SSR3: variants seen among roughly 807,000 people sequenced by gnomAD.
The protein encoded by SSR3 is translocon-associated protein subunit gamma.
In SSR3, 10 loss-of-function variants were observed where a neutral mutation model predicts 22.1. The ratio of observed to expected loss-of-function variants is 0.45; its 90% CI spans 0.28 to 0.77. The LOEUF (loss-of-function observed/expected upper bound fraction) is 0.77. Ranked by LOEUF, SSR3 falls within the 30% of genes least tolerant of loss-of-function variation. The pLI, the probability that SSR3 is intolerant of heterozygous loss-of-function variation, is 0.13. For missense variants in SSR3, 181 were observed against 220.5 expected (o/e 0.82, Z 1.13); for synonymous variants, 104 against 82.5 (o/e 1.26, Z -1.42).
intron 3 of SSR3, among the ~76,000 whole-genome samples, chr3:156,546,431 A>C (rs1019559246): frequency 2.6e-5 from 4 of 152,210 alleles, no homozygotes; most frequent in Admixed American, 1.3e-4. Flanking sequence ...GACTAATACA[A>C]GAACCATTTT....
At chr3:156,548,253 G>A (rs1441611056) in intron 3 of SSR3, among the ~76,000 whole-genome samples, 1 of 152,100 alleles carries the variant, frequency 6.6e-6, no homozygotes, top group African/African-American at 2.4e-5. Flanking sequence ...AAGAGCAGCC[G>A]GCAGAAAAAA....
intron 2 of SSR3, among the ~76,000 whole-genome samples, chr3:156,553,048 A>AAAAAAAG (rs1006838940): frequency 6.6e-6 from 1 of 151,682 alleles, no homozygotes; most frequent in Non-Finnish European, 1.5e-5. Flanking sequence ...GTTAAAAAAA[A>AAAAAAAG]AAAAAAGCAA....
chr3:156,545,536 T>C lies in SSR3; in HGVS notation c.360-1097A>G, dbSNP rs578009631. Among the ~76,000 whole-genome samples, 79 of 152,318 alleles carry C rather than the reference T, an allele frequency of 5.2e-4. 1 individual carries two copies. The highest frequency in any genetic ancestry group is 1.8e-3 in the African/African-American group (76 of 41,572). Reference sequence around the variant, plus strand: ...GCACTTTAAGTAAGTCATTGGTAACTGACACATTATATTCATTAAGTATAC... The same window carrying C: ...GCACTTTAAGTAAGTCATTGGTAACCGACACATTATATTCATTAAGTATAC... On this transcript the variant is annotated intron_variant, in intron 3 of 4. Transcript: ENST00000265044.
At chr3:156,554,699 C>T (rs1179208683) in intron 1 of SSR3, 2 of 489,636 alleles carry the variant, frequency 4.1e-6, no homozygotes, top group East Asian at 3.6e-5. Context: ...AACTAGTTAA[C>T]CACCTTCTCC....
intron 2 of SSR3, among the ~76,000 whole-genome samples, chr3:156,551,911 A>C (rs1175852318): frequency 1.3e-5 from 2 of 152,202 alleles, no homozygotes; most frequent in South Asian, 2.1e-4. Context: ...GAAGGGTTAA[A>C]GCCTAATTCT....
Position 156,543,139 on chromosome 3 carries a change from G to T in SSR3, c.*64C>A. On this transcript the variant is annotated 3_prime_UTR_variant, in exon 5 of 5. Transcript: ENST00000265044. ...TTGTGTCTCCCACCCTGACCACCCTGCTACTTTTCCATATACCACAGGCCA... is the reference window on the plus strand; with the variant it reads ...TTGTGTCTCCCACCCTGACCACCCTTCTACTTTTCCATATACCACAGGCCA... 6.9e-7 allele frequency: 1 copy of T among 1,458,204 alleles called. No individual in the cohort carries two copies. The highest frequency in any genetic ancestry group is 9.6e-7 in the Non-Finnish European group (1 of 1,045,104). The allele number at this position is 1,458,204 out of a possible 1,614,324, so 90.3% of individuals were successfully genotyped here.
chr3:156,552,717 T>G (rs1056684072), intron 2 of SSR3, among the ~76,000 whole-genome samples: 2 of 152,130 alleles, frequency 1.3e-5, no homozygotes, highest in African/African-American at 4.8e-5. Context: ...TACCCAAGTA[T>G]CACAGTGTAC....
intron 2 of SSR3, among the ~76,000 whole-genome samples, chr3:156,552,340 G>C (rs1463975755): frequency 6.7e-6 from 1 of 149,532 alleles, no homozygotes; most frequent in Non-Finnish European, 1.5e-5. Flanking sequence ...GTTGTTATGA[G>C]AATGACATGA....
rs1376764179 is a variant in SSR3, at chr3:156,542,675, T to C, written c.*528A>G. The C allele has an allele frequency of 6.6e-6, 1 of 152,292 alleles. No individual in the cohort carries two copies. Among genetic ancestry groups the C allele is most frequent in the Non-Finnish European group, 1.5e-5 (1 of 68,098 alleles). The allele number at this position is 152,292 out of a possible 1,614,324, so 9.4% of individuals were successfully genotyped here. On this transcript the variant is annotated 3_prime_UTR_variant, in exon 5 of 5. Transcript: ENST00000265044. ...ACTTTTCCACAAGTTTCTCTTCCTC[T>C]AGTTGGAAAATTAGAGAAATCATGT...
At chr3:156,550,835 ACT>A (rs1719925054) in intron 2 of SSR3, among the ~76,000 whole-genome samples, 1 of 152,210 alleles carries the variant, frequency 6.6e-6, no homozygotes, top group African/African-American at 2.4e-5. Context: ...TATGTGCCAG[ACT>A]CTATGCTTAA....
chr3:156,544,765 C>T (rs1163059792), intron 3 of SSR3, among the ~76,000 whole-genome samples: 1 of 152,194 alleles, frequency 6.6e-6, no homozygotes. Context: ...TTGGCCCTTA[C>T]CTAAAACTCA....
At position 156,540,237 on chromosome 3, in the gene SSR3, C is replaced by A. The variant is rs543846408; in HGVS notation, c.*2966G>T. On this transcript the variant is annotated 3_prime_UTR_variant, in exon 5 of 5. Coordinates refer to ENST00000265044, the MANE Select transcript of SSR3 (RefSeq NM_007107.5). ...TCTCCATATTTCAGTTAACTTCAAACCTTGTTTCAAATTATCCTTTCCAAG... is the reference window on the plus strand; with the variant it reads ...TCTCCATATTTCAGTTAACTTCAAAACTTGTTTCAAATTATCCTTTCCAAG... The A allele has an allele frequency of 6.6e-6, 1 of 152,170 alleles. No individual in the cohort carries two copies. The highest frequency in any genetic ancestry group is 2.4e-5 in the African/African-American group (1 of 41,430). 9.4% of individuals were successfully genotyped at this position (152,170 alleles called of 1,614,324 possible).
chr3:156,554,968 G>A lies in SSR3; in HGVS notation c.122C>T (p.Ala41Val). ...CTCCCAGCACTCACAGATGGGGATG[G>A]CAGACACGATGAACGCGTTTCCGAA... ...LFFGNAFIVSAIPIWLYWRIW... is the reference protein window; with the variant it reads ...LFFGNAFIVSVIPIWLYWRIW... Residue 41 changes from alanine to valine, a missense_variant, in exon 1 of 5, where the codon GCC (alanine) becomes GTC (valine). Coordinates refer to ENST00000265044, the MANE Select transcript of SSR3 (RefSeq NM_007107.5). 6.2e-7 allele frequency: 1 copy of A among 1,613,714 alleles called. No individual in the cohort carries two copies. The highest frequency in any genetic ancestry group is 8.5e-7 in the Non-Finnish European group (1 of 1,179,866).
chr3:156,553,068 A>G (rs1231928301), intron 2 of SSR3, among the ~76,000 whole-genome samples: 1 of 151,812 alleles, frequency 6.6e-6, no homozygotes, highest in African/African-American at 2.4e-5. Flanking sequence ...ATAAAATAAA[A>G]AGACCAGCCT....
chr3:156,543,139 G>A lies in SSR3; in HGVS notation c.*64C>T. ...TTGTGTCTCCCACCCTGACCACCCTGCTACTTTTCCATATACCACAGGCCA... is the reference window on the plus strand; with the variant it reads ...TTGTGTCTCCCACCCTGACCACCCTACTACTTTTCCATATACCACAGGCCA... On this transcript the variant is annotated 3_prime_UTR_variant, in exon 5 of 5. Coordinates refer to ENST00000265044, the MANE Select transcript of SSR3 (RefSeq NM_007107.5). 2 of 1,458,212 alleles carry A rather than the reference G, an allele frequency of 1.4e-6. No homozygotes were observed. The highest frequency in any genetic ancestry group is 1.2e-5 in the South Asian group (1 of 86,410). The allele number at this position is 1,458,212 out of a possible 1,614,324, so 90.3% of individuals were successfully genotyped here.
intron 2 of SSR3, chr3:156,551,592 C>T (rs1719958304): frequency 6.6e-6 from 1 of 152,202 alleles, no homozygotes; most frequent in African/African-American, 2.4e-5. Flanking sequence ...AACCTGAGCT[C>T]GTTTGTGTCC....
rs1720099929 is a variant in SSR3 at position 156,555,016 on chromosome 3, G to A, written c.74C>T (p.Ser25Leu). The change falls in exon 1 of 5, where the codon TCG becomes TTG. Residue 25 changes from serine to leucine, a missense_variant. Ser to Leu is a moderately radical substitution (Grantham distance 145, BLOSUM62 -2). Coordinates refer to ENST00000265044, the MANE Select transcript of SSR3 (RefSeq NM_007107.5). Reference protein sequence around the residue: ...LLLQDFSRNLSAKSSALFFGN... With the variant: ...LLLQDFSRNLLAKSSALFFGN... ...GAAGAAGAGCGCGGAGGACTTGGCC[G>A]AGAGATTGCGGCTGAAATCCTGCAG... The A allele has an allele frequency of 6.2e-7, 1 of 1,613,956 alleles. No individual in the cohort carries two copies. Among genetic ancestry groups the A allele is most frequent in the African/African-American group, 1.3e-5 (1 of 74,936 alleles).
Position 156,543,031 on chromosome 3 carries a change from C to T in SSR3, c.*172G>A, listed in dbSNP as rs372009339. On this transcript the variant is annotated 3_prime_UTR_variant, in exon 5 of 5. Coordinates refer to ENST00000265044, the MANE Select transcript of SSR3 (RefSeq NM_007107.5). ...TCCCTTTCAATTCATTTAATTTCAA[C>T]AATCTGTCAAAAAACAGCCAATAAA... 6.5e-4 allele frequency: 320 copies of T among 490,970 alleles called. No homozygotes were observed. The highest frequency in any genetic ancestry group is 5.6e-3 in the African/African-American group (291 of 52,120). The allele number at this position is 490,970 out of a possible 1,614,324, so 30.4% of individuals were successfully genotyped here. A position where few individuals can be genotyped will look rare whatever the true frequency, so the allele number is the denominator to read the frequency against.
At position 156,539,631 on chromosome 3, in the gene SSR3, A is replaced by AC. The variant is rs1173386554; in HGVS notation, c.*3571dup. Among the ~76,000 whole-genome samples, 4 of 151,554 alleles carry AC rather than the reference A, an allele frequency of 2.6e-5. No individual in the cohort carries two copies. Among genetic ancestry groups the AC allele is most frequent in the African/African-American group, 4.9e-5 (2 of 41,026 alleles). Reference sequence around the variant, plus strand: ...TCTATCGCCCTGAAAATTTAAACCAACCCCCCAAAAGACCCTCCTAATCTA... The same window carrying AC: ...TCTATCGCCCTGAAAATTTAAACCAACCCCCCCAAAAGACCCTCCTAATCTA... On this transcript the variant is annotated 3_prime_UTR_variant, in exon 5 of 5. Coordinates refer to ENST00000265044, the MANE Select transcript of SSR3 (RefSeq NM_007107.5).
Sources: gnomAD v4.1 joint callset for allele counts (sites outside exome capture counted in the v4.1 genomes callset) on GRCh38, gnomAD v4.1.1 for gene constraint, MANE v1.5 for transcripts, NCBI Gene and HGNC (gene_info 2026-07-23, HGNC 2026-07-21) for gene names.